ARHGEF10: variants seen among roughly 807,000 people sequenced by gnomAD.
ARHGEF10 encodes Rho guanine nucleotide exchange factor (GEF) 10.
Under a neutral mutation model 147.4 loss-of-function variants are expected in ARHGEF10, and 140 were observed. The observed-to-expected ratio is 0.95, with a 90% CI of 0.83 to 1.09. ARHGEF10 has a LOEUF of 1.09. Among genes scored for constraint, ARHGEF10 ranks in the 50% least tolerant of loss-of-function variants. ARHGEF10 has a pLI of 0.00. For synonymous variants in ARHGEF10, 902 were observed against 695.8 expected (o/e 1.30, Z -4.67); for missense variants, 2,222 against 1,752.7 (o/e 1.27, Z -4.78).
At chr8:1,913,135 G>C (rs532814701) in intron 18 of ARHGEF10, among the ~76,000 whole-genome samples, 3 of 152,142 alleles carry the variant, frequency 2.0e-5, no homozygotes, top group African/African-American at 4.8e-5. Flanking sequence ...TAGGAGTTGT[G>C]GGGGTGGGTG....
At position 1,894,509 on chromosome 8, in the gene ARHGEF10, G is replaced by T. The variant is rs138680466; in HGVS notation, c.1377G>T (p.Ala459=). 2 of 1,614,208 alleles carry T rather than the reference G, an allele frequency of 1.2e-6. No homozygotes were observed. The highest frequency in any genetic ancestry group is 1.7e-5 in the Admixed American group (1 of 60,028). The change falls in exon 13 of 29, where the codon GCG becomes GCT. Residue 459 remains alanine (A), a synonymous_variant. Transcript: ENST00000349830. ...AGTGCCACTCGCTATTTCAGATCGC[G>T]CTGGCCAGCCGCGTTTCCGAGTGGG... ...ILQCHSLFQI[A]LASRVSEWDS...
intron 1 of ARHGEF10, among the ~76,000 whole-genome samples, chr8:1,841,147 G>C (rs1376060369): frequency 6.6e-6 from 1 of 152,234 alleles, no homozygotes; most frequent in Non-Finnish European, 1.5e-5. Flanking sequence ...CTCTGCTGTA[G>C]CCTTGGGTGA....
rs531566836 is a variant in ARHGEF10, at chr8:1,916,941, G to A, written c.2144-6023G>A. On this transcript the variant is annotated intron_variant, in intron 18 of 28. Coordinates refer to ENST00000349830, the MANE Select transcript of ARHGEF10 (RefSeq NM_014629.4). ...ATACCACAGTTCTCTATGTGATCCT[G>A]TATAGGGAATTTTCATTTAATATTA... Among the ~76,000 whole-genome samples, 4 of 152,330 alleles carry A rather than the reference G, an allele frequency of 2.6e-5. No individual in the cohort carries two copies. In the South Asian group the frequency reaches 6.2e-4, roughly 24 times the overall value.
chr8:1,903,041 G>T (rs576649977), intron 15 of ARHGEF10, among the ~76,000 whole-genome samples: 1 of 152,190 alleles, frequency 6.6e-6, no homozygotes, highest in African/African-American at 2.4e-5. Context: ...CATATTTAGC[G>T]TGTCCTTTAT....
At chr8:1,828,469 A>G (rs1802897716) in intron 1 of ARHGEF10, among the ~76,000 whole-genome samples, 1 of 147,972 alleles carries the variant, frequency 6.8e-6, no homozygotes, top group African/African-American at 2.5e-5. Context: ...AAGGAATTAC[A>G]TTTTGATAAA....
At chr8:1,858,168 G>GA in intron 3 of ARHGEF10, 53 bp downstream of exon 3, 1 of 1,394,432 alleles carries the variant, frequency 7.2e-7, no homozygotes, top group Non-Finnish European at 9.6e-7. Context: ...CCCCAGGTGA[G>GA]TCCCCAGGTG....
intron 14 of ARHGEF10, 45 bp from the exon 15 acceptor site, chr8:1,898,388 C>T (rs780846731): frequency 2.5e-6 from 4 of 1,569,600 alleles, no homozygotes; most frequent in Non-Finnish European, 3.5e-6. Flanking sequence ...GCAGGGAGGG[C>T]ATGGCAGCCC....
chr8:1,890,111 G>A (rs1014906424), intron 11 of ARHGEF10, among the ~76,000 whole-genome samples: 12 of 137,418 alleles, frequency 8.7e-5, no homozygotes, highest in East Asian at 7.1e-4. Flanking sequence ...ACCGAGTGCC[G>A]TGTGAGTTGT....
rs1304132778 is a variant in ARHGEF10, at chr8:1,882,777, G to C, written c.1075+28G>C. 3 of 1,491,498 alleles carry C rather than the reference G, an allele frequency of 2.0e-6. No individual in the cohort carries two copies. The East Asian group carries it at 7.7e-5, about 38-fold the overall frequency. 92.4% of individuals were successfully genotyped at this position (1,491,498 alleles called of 1,614,324 possible). A position where few individuals can be genotyped will look rare whatever the true frequency, so the allele number is the denominator to read the frequency against. On this transcript the variant is annotated intron_variant, in intron 10 of 28. Coordinates refer to ENST00000349830, the MANE Select transcript of ARHGEF10 (RefSeq NM_014629.4). ...CCGTGCCTGCAGGTCTTCTTGCGGG[G>C]AGGACACGGGGTTGGGGGGGGCGGC...
At chr8:1,848,978 A>G (rs951796827) in intron 2 of ARHGEF10, among the ~76,000 whole-genome samples, 1 of 152,174 alleles carries the variant, frequency 6.6e-6, no homozygotes, top group African/African-American at 2.4e-5. Context: ...ATATCTTAGT[A>G]CCGTTTACCT....
chr8:1,930,666 C>G (rs982966360), intron 25 of ARHGEF10, among the ~76,000 whole-genome samples: 1 of 152,322 alleles, frequency 6.6e-6, no homozygotes, highest in East Asian at 1.9e-4. Context: ...CTGCGCCAGC[C>G]CCTCCCAGAG....
chr8:1,894,045 G>A (rs1327579802), intron 12 of ARHGEF10, among the ~76,000 whole-genome samples: 1 of 151,866 alleles, frequency 6.6e-6, no homozygotes, highest in Non-Finnish European at 1.5e-5. Flanking sequence ...GTGGCGGTAT[G>A]TGCCTATGGT....
Position 1,937,616 on chromosome 8 carries a change from A to G in ARHGEF10, c.3222+3674A>G, listed in dbSNP as rs577112283. Among the ~76,000 whole-genome samples, 1 of 152,380 alleles carries G rather than the reference A, an allele frequency of 6.6e-6. No homozygotes were observed. The highest frequency in any genetic ancestry group is 1.9e-4 in the East Asian group (1 of 5,182). ...AAGCAAAAATCTGCTCTCTGAAAAC[A>G]TGATATTCATCCTGTCGTTCCCGTT... On this transcript the variant is annotated intron_variant, in intron 26 of 28. Coordinates refer to ENST00000349830, the MANE Select transcript of ARHGEF10 (RefSeq NM_014629.4). The surrounding 1 kb of genome is among the most constrained non-coding windows in gnomAD (Gnocchi z 4.9).
intron 21 of ARHGEF10, among the ~76,000 whole-genome samples, chr8:1,924,711 G>C (rs1467233022): frequency 6.6e-6 from 1 of 152,182 alleles, no homozygotes; most frequent in African/African-American, 2.4e-5. Flanking sequence ...GTCAGGTTCA[G>C]AGTGACTTAG....
At chr8:1,893,158 T>C (rs762906595) in intron 11 of ARHGEF10, among the ~76,000 whole-genome samples, 14 of 149,326 alleles carry the variant, frequency 9.4e-5, no homozygotes, top group Non-Finnish European at 1.6e-4. Context: ...AACTTTGGAA[T>C]AAATATTTTA....
chr8:1,829,855 G>A (rs540306870), intron 1 of ARHGEF10, among the ~76,000 whole-genome samples: 11 of 152,304 alleles, frequency 7.2e-5, no homozygotes, highest in African/African-American at 2.6e-4. Flanking sequence ...GACGGCGGCA[G>A]GCACCCTGCT....
Position 1,945,566 on chromosome 8 carries a change from C to T in ARHGEF10, c.3308C>T (p.Ser1103Leu), listed in dbSNP as rs1452323755. 3.1e-6 allele frequency: 5 copies of T among 1,614,250 alleles called. No individual in the cohort carries two copies. The highest frequency in any genetic ancestry group is 1.6e-4 in the Middle Eastern group (1 of 6,062). Residue 1103 changes from serine (S) to leucine (L), a missense_variant, in exon 27 of 29, where the codon TCA becomes TTA. Transcript: ENST00000349830. ...GTCGGGATCTGGATTGCCTTCACCTCAGGGTCCACGCTCCGCCTTTTTCAC... is the reference window on the plus strand; with the variant it reads ...GTCGGGATCTGGATTGCCTTCACCTTAGGGTCCACGCTCCGCCTTTTTCAC... ...SGVGIWIAFT[S>L]GSTLRLFHTE...
At chr8:1,841,690 C>T (rs1424177630) in intron 1 of ARHGEF10, among the ~76,000 whole-genome samples, 1 of 152,078 alleles carries the variant, frequency 6.6e-6, no homozygotes, top group Non-Finnish European at 1.5e-5. Flanking sequence ...AAGTTCCGCT[C>T]TTTTCTCAGC....
chr8:1,935,648 G>T (rs1813532169), intron 26 of ARHGEF10, among the ~76,000 whole-genome samples: 1 of 152,178 alleles, frequency 6.6e-6, no homozygotes, highest in Non-Finnish European at 1.5e-5. Flanking sequence ...CGTCTTCCTG[G>T]CAACTCCGCA....
Sources: allele counts gnomAD v4.1 joint callset (sites outside exome capture counted in the v4.1 genomes callset), GRCh38; gene constraint gnomAD v4.1.1; non-coding constraint Gnocchi (gnomAD v3.1); transcripts MANE v1.5; gene names NCBI Gene and HGNC (gene_info 2026-07-23, HGNC 2026-07-21).